MTARC1: variants seen among roughly 807,000 people sequenced by gnomAD.
The protein encoded by MTARC1 is mitochondrial amidoxime-reducing component 1.
Under a neutral mutation model 33.6 loss-of-function variants are expected in MTARC1, and 24 were observed. The observed-to-expected ratio is 0.72, with a 90% CI of 0.52 to 1.01. The LOEUF (loss-of-function observed/expected upper bound fraction) is 1.01, where lower values mean the gene tolerates loss of function less well. MTARC1 is among the 50% of genes least tolerant of loss of function. MTARC1 has a pLI of 0.00. For missense variants in MTARC1, 417 were observed against 445.7 expected (o/e 0.94, Z 0.58); for synonymous variants, 187 against 189.5 (o/e 0.99, Z 0.11).
chr1:220,804,913 C>A (rs1672925147), intron 4 of MTARC1, 139 bp from the exon 5 acceptor site: 1 of 895,934 alleles, frequency 1.1e-6, no homozygotes, highest in Non-Finnish European at 1.8e-6. Flanking sequence ...CTTGGCAGAG[C>A]AGGGCTGGGG....
chr1:220,808,836 G>T (rs1673045151), intron 6 of MTARC1: 1 of 471,140 alleles, frequency 2.1e-6, no homozygotes, highest in Non-Finnish European at 4.4e-6. Context: ...TATGAAAATG[G>T]AATTTTTCTT....
intron 6 of MTARC1, among the ~76,000 whole-genome samples, chr1:220,810,453 G>A (rs1673095990): frequency 6.7e-6 from 1 of 148,516 alleles, no homozygotes; most frequent in Non-Finnish European, 1.5e-5. Context: ...TGGCAGGCCG[G>A]CCCACCGAGA....
chr1:220,810,806 A>T (rs1673109614), intron 6 of MTARC1, among the ~76,000 whole-genome samples: 1 of 152,170 alleles, frequency 6.6e-6, no homozygotes, highest in South Asian at 2.1e-4. Flanking sequence ...CCAGGGTTAC[A>T]TCCTGGGTGG....
intron 2 of MTARC1, chr1:220,794,405 T>C (rs995616983): frequency 7.9e-6 from 1 of 127,356 alleles, no homozygotes; most frequent in African/African-American, 2.9e-5. Context: ...TTTCAGACAT[T>C]AAACTGCACA....
intron 1 of MTARC1, among the ~76,000 whole-genome samples, chr1:220,789,198 G>A (rs67876991): frequency 0.015 from 2,221 of 152,256 alleles, 32 homozygotes; most frequent in Non-Finnish European, 0.024. Context: ...AACAGCTTGA[G>A]CTGAAAACTG....
Position 220,805,096 on chromosome 1 carries a change from G to T in MTARC1, c.798G>T (p.Arg266Ser). ...TTATTGGTGACGTGGAACTGAAAAG[G>T]GTGATGGCTTGTTCCAGGTAAGGTG... ...ELLIGDVELK[R>S]VMACSRCILT... is the part of the protein sequence containing the mutation. Residue 266 changes from arginine to serine, a missense_variant, in exon 5 of 7, where the codon AGG (arginine) becomes AGT (serine). By Grantham distance (110) the Arg-to-Ser change is moderately radical. Transcript: ENST00000366910. 6.2e-7 allele frequency: 1 copy of T among 1,614,120 alleles called. No individual in the cohort carries two copies. The highest frequency in any genetic ancestry group is 8.5e-7 in the Non-Finnish European group (1 of 1,180,026).
At chr1:220,796,443 A>G (rs940736606) in intron 2 of MTARC1, among the ~76,000 whole-genome samples, 200 bp from the exon 3 acceptor site, 5 of 152,338 alleles carry the variant, frequency 3.3e-5, no homozygotes, top group African/African-American at 9.6e-5. Context: ...GAGGAAAGCA[A>G]TGCTTAAAGG....
At chr1:220,806,735 CCT>C (rs1322697032) in intron 6 of MTARC1, among the ~76,000 whole-genome samples, 3 of 152,218 alleles carry the variant, frequency 2.0e-5, no homozygotes, top group Admixed American at 6.5e-5. Flanking sequence ...TGTGGCCTGA[CCT>C]CTCTGGCCAG....
intron 4 of MTARC1, among the ~76,000 whole-genome samples, chr1:220,801,105 G>C (rs771867936): frequency 1.3e-5 from 2 of 152,168 alleles, no homozygotes; most frequent in African/African-American, 2.4e-5. Flanking sequence ...CTTTCTTCAA[G>C]TAAAAGATGG....
In MTARC1 at chr1:220,797,934, A is replaced by C. The variant is rs764797491; in HGVS notation, c.673A>C (p.Asn225His). 9 of 1,614,094 alleles carry C rather than the reference A, an allele frequency of 5.6e-6. No individual in the cohort carries two copies. The highest frequency in any genetic ancestry group is 1.6e-4 in the Middle Eastern group (1 of 6,084). Residue 225 changes from asparagine to histidine, a missense_variant, in exon 4 of 7, where the codon AAC becomes CAC. Physicochemically the swap from Asn to His is moderately conservative, Grantham distance 68 (BLOSUM62 1). Transcript: ENST00000366910. ...TTCTGAGGCGTCGCTGGCGGATCTCAACTCCAGGCTAGAGAAGAAAGTTAA... is the reference window on the plus strand; with the variant it reads ...TTCTGAGGCGTCGCTGGCGGATCTCCACTCCAGGCTAGAGAAGAAAGTTAA... ...ILSEASLADL[N>H]SRLEKKVKAT... is the part of the protein sequence containing the mutation.
chr1:220,812,766 C>T, intron 6 of MTARC1, among the ~76,000 whole-genome samples: 1 of 151,736 alleles, frequency 6.6e-6, no homozygotes, highest in Admixed American at 6.6e-5. Flanking sequence ...GCTCCATTGC[C>T]CAGGCTGGAG....
At chr1:220,804,549 A>T (rs1672911690) in intron 4 of MTARC1, among the ~76,000 whole-genome samples, 1 of 152,138 alleles carries the variant, frequency 6.6e-6, no homozygotes, top group Admixed American at 6.5e-5. Context: ...AAGAGGAATG[A>T]GGCTGCTGGT....
intron 2 of MTARC1, among the ~76,000 whole-genome samples, chr1:220,796,250 A>G (rs1672611776): frequency 6.6e-6 from 1 of 152,144 alleles, no homozygotes; most frequent in Non-Finnish European, 1.5e-5. Flanking sequence ...GTGAATAAAG[A>G]TTTCTGGTCG....
At chr1:220,798,796 A>G (rs373013462) in intron 4 of MTARC1, 1 of 936,252 alleles carries the variant, frequency 1.1e-6, no homozygotes. Context: ...GGGACCATAT[A>G]GTGGTTCTTA....
At chr1:220,806,311 G>GAGACCCTTCCTTGGCTTTGTGTA (rs1672971417) in intron 6 of MTARC1, among the ~76,000 whole-genome samples, 1 of 152,058 alleles carries the variant, frequency 6.6e-6, no homozygotes, top group African/African-American at 2.4e-5. Context: ...TACAGCCCCT[G>GAGACCCTTCCTTGGCTTTGTGTA]AGACCCTTCC....
At chr1:220,807,476 G>A (rs980736042) in intron 6 of MTARC1, among the ~76,000 whole-genome samples, 6 of 152,116 alleles carry the variant, frequency 3.9e-5, no homozygotes, top group South Asian at 4.1e-4. Flanking sequence ...GCAGCTACTC[G>A]GGTGGCTGAG....
At chr1:220,808,623 TG>T (rs1673040242) in intron 6 of MTARC1, among the ~76,000 whole-genome samples, 1 of 152,170 alleles carries the variant, frequency 6.6e-6, no homozygotes, top group Admixed American at 6.5e-5. Flanking sequence ...TGCCCATGGC[TG>T]GGGTTGCTTC....
At chr1:220,800,587 C>CT (rs112800294) in intron 4 of MTARC1, among the ~76,000 whole-genome samples, 371 of 148,100 alleles carry the variant, frequency 2.5e-3, no homozygotes, top group African/African-American at 5.9e-3. Context: ...TCTTTCTTTC[C>CT]TTTTTTTTTT....
chr1:220,801,044 T>A (rs1404432362), intron 4 of MTARC1, among the ~76,000 whole-genome samples: 1 of 152,204 alleles, frequency 6.6e-6, no homozygotes, highest in East Asian at 1.9e-4. Context: ...CCTGTTGATG[T>A]AAGTCACATC....
Sources: allele counts gnomAD v4.1 joint callset (sites outside exome capture counted in the v4.1 genomes callset), GRCh38; gene constraint gnomAD v4.1.1; transcripts MANE v1.5; gene names NCBI Gene and HGNC (gene_info 2026-07-23, HGNC 2026-07-21).